Variants in NALF1 observed in about 807,000 individuals in gnomAD.
NALF1 encodes the protein family with sequence similarity 155 member A.
In NALF1, 3 loss-of-function variants were observed where a neutral mutation model predicts 48.4. The observed-to-expected ratio is 0.06, with a 90% confidence interval of 0.03 to 0.16. The LOEUF (loss-of-function observed/expected upper bound fraction) is 0.16. Among genes scored for constraint, NALF1 ranks in the 10% least tolerant of loss-of-function variants. The pLI, the probability that NALF1 is intolerant of heterozygous loss-of-function variation, is 1.00. For missense variants in NALF1, 526 were observed against 571.5 expected (o/e 0.92, Z 0.81); for synonymous variants, 262 against 245.7 (o/e 1.07, Z -0.62).
At chr13:107,662,452 A>C (rs1318639033) in intron 1 of NALF1, among the ~76,000 whole-genome samples, 1 of 152,220 alleles carries the variant, frequency 6.6e-6, no homozygotes, top group African/African-American at 2.4e-5. Context: ...GTTGCCTGTT[A>C]ATGCTTTCTG....
At chr13:107,745,528 C>T (rs536362176) in intron 1 of NALF1, among the ~76,000 whole-genome samples, 2 of 152,236 alleles carry the variant, frequency 1.3e-5, no homozygotes, top group South Asian at 4.1e-4. Flanking sequence ...GGGGTTTACA[C>T]AGATAAATAA....
chr13:107,685,808 A>C (rs1012500956), intron 1 of NALF1, among the ~76,000 whole-genome samples: 4 of 152,216 alleles, frequency 2.6e-5, no homozygotes, highest in Non-Finnish European at 5.9e-5. Context: ...CAAATGATTA[A>C]ATTCCCCTGT....
intron 1 of NALF1, among the ~76,000 whole-genome samples, chr13:107,815,332 A>G (rs898918749): frequency 7.2e-5 from 11 of 152,246 alleles, no homozygotes; most frequent in Admixed American, 4.6e-4. Flanking sequence ...AAATAACCCA[A>G]CAAAAATTAA....
intron 1 of NALF1, among the ~76,000 whole-genome samples, chr13:107,554,411 A>G (rs1877392397): frequency 6.6e-6 from 1 of 152,218 alleles, no homozygotes; most frequent in Non-Finnish European, 1.5e-5. Context: ...CTTCAAAAAG[A>G]GGGTGAAGAA....
intron 1 of NALF1, among the ~76,000 whole-genome samples, chr13:107,271,386 A>G (rs1277347193): frequency 6.6e-6 from 1 of 152,182 alleles, no homozygotes; most frequent in Non-Finnish European, 1.5e-5. Context: ...GTCACAAGAC[A>G]GGAAATGTGG....
chr13:107,521,699 G>T (rs966161186), intron 1 of NALF1, among the ~76,000 whole-genome samples: 1 of 152,092 alleles, frequency 6.6e-6, no homozygotes, highest in African/African-American at 2.4e-5. Context: ...CTCATCAGCT[G>T]GTTAGTGGGT....
intron 1 of NALF1, among the ~76,000 whole-genome samples, chr13:107,707,010 C>T (rs1298279444): frequency 6.8e-6 from 1 of 146,012 alleles, no homozygotes; most frequent in Non-Finnish European, 1.5e-5. Flanking sequence ...GCAAGCTCCG[C>T]CTCCCGGGTT....
chr13:107,395,989 A>T (rs780074751), intron 1 of NALF1, among the ~76,000 whole-genome samples: 1 of 152,150 alleles, frequency 6.6e-6, no homozygotes, highest in East Asian at 1.9e-4. Context: ...AGGCTACCAT[A>T]AAAAATCTCT....
At chr13:107,396,722 A>G (rs1262994920) in intron 1 of NALF1, among the ~76,000 whole-genome samples, 1 of 152,220 alleles carries the variant, frequency 6.6e-6, no homozygotes, top group African/African-American at 2.4e-5. Flanking sequence ...TCGTTGAGTT[A>G]TAGCTTATCA....
intron 1 of NALF1, among the ~76,000 whole-genome samples, chr13:107,760,152 T>C (rs1363489518): frequency 6.6e-6 from 1 of 152,226 alleles, no homozygotes; most frequent in African/African-American, 2.4e-5. Context: ...GGACATTTTG[T>C]GAAATATGTA....
At chr13:107,240,207 T>G (rs2138834182) in intron 1 of NALF1, among the ~76,000 whole-genome samples, 1 of 152,314 alleles carries the variant, frequency 6.6e-6, no homozygotes, top group East Asian at 1.9e-4. Flanking sequence ...TTTAAAATTC[T>G]CCCATATGAG....
intron 1 of NALF1, among the ~76,000 whole-genome samples, chr13:107,754,386 C>CAT (rs1027386265): frequency 6.8e-6 from 1 of 147,784 alleles, no homozygotes; most frequent in African/African-American, 2.5e-5. Context: ...CACACACACA[C>CAT]ACACACACAC....
At chr13:107,178,043 T>A (rs966708563) in intron 2 of NALF1, among the ~76,000 whole-genome samples, 1 of 150,130 alleles carries the variant, frequency 6.7e-6, no homozygotes, top group African/African-American at 2.5e-5. Flanking sequence ...CAAGACTGTC[T>A]CAAAAAAAAA....
chr13:107,783,440 G>C (rs1040372536), intron 1 of NALF1, among the ~76,000 whole-genome samples: 1 of 152,202 alleles, frequency 6.6e-6, no homozygotes, highest in Non-Finnish European at 1.5e-5. Flanking sequence ...GGCAGGGAAA[G>C]GATTGAGAAA....
rs112694914 is a variant in NALF1 at position 107,750,929 on chromosome 13, A to C, written c.915+114753T>G. 1.3e-3 allele frequency among the ~76,000 whole-genome samples: 203 copies of C among 152,330 alleles called. 3 individuals carry two copies. The highest frequency in any genetic ancestry group is 4.7e-3 in the African/African-American group (196 of 41,572). On this transcript the variant is annotated intron_variant, in intron 1 of 2. Transcript: ENST00000375915. The stretch of plus-strand genomic sequence containing the variant: ...AACACAACATAGAAAGCTTCACTTA[A>C]AGACTCCATTCTGGTGTACACAAAT...
chr13:107,292,961 AT>A (rs1318158754), intron 1 of NALF1, among the ~76,000 whole-genome samples: 1 of 143,844 alleles, frequency 7.0e-6, no homozygotes, highest in Admixed American at 6.9e-5. Context: ...GGCAATAGGC[AT>A]TTTTCAGCTC....
intron 1 of NALF1, among the ~76,000 whole-genome samples, chr13:107,496,900 G>C (rs190571145): frequency 6.6e-6 from 1 of 152,220 alleles, no homozygotes; most frequent in African/African-American, 2.4e-5. Context: ...CCTGCTTCCA[G>C]GATTCAATTA....
chr13:107,511,242 C>T (rs747022525), intron 1 of NALF1, among the ~76,000 whole-genome samples: 27 of 152,140 alleles, frequency 1.8e-4, no homozygotes, highest in Admixed American at 5.2e-4. Flanking sequence ...CCGACTCTTC[C>T]GTTGTCTGTA....
At chr13:107,566,102 C>T (rs1877800727) in intron 1 of NALF1, among the ~76,000 whole-genome samples, 1 of 151,880 alleles carries the variant, frequency 6.6e-6, no homozygotes, top group Non-Finnish European at 1.5e-5. Flanking sequence ...ATATTCTTTC[C>T]TGTTGAAAGG....
Sources: gnomAD v4.1 joint callset for allele counts (sites outside exome capture counted in the v4.1 genomes callset) on GRCh38, gnomAD v4.1.1 for gene constraint, MANE v1.5 for transcripts, NCBI Gene and HGNC (gene_info 2026-07-23, HGNC 2026-07-21) for gene names.